RALGAPA1: variants seen among roughly 807,000 people sequenced by gnomAD.
The protein encoded by RALGAPA1 is Ral GTPase activating protein catalytic subunit alpha 1, also known as ral GTPase-activating protein subunit alpha-1.
In RALGAPA1, 52 loss-of-function variants were observed where a neutral mutation model predicts 269.6. That is an observed-to-expected ratio of 0.19 (90% CI 0.15 to 0.24). The LOEUF is 0.24. Ranked by LOEUF, RALGAPA1 falls within the 10% of genes least tolerant of loss-of-function variation. The pLI is 1.00. For synonymous variants in RALGAPA1, 817 were observed against 1,008.3 expected (o/e 0.81, Z 3.60); for missense variants, 1,917 against 3,013.9 (o/e 0.64, Z 8.52).
At chr14:35,636,572 G>A (rs753167043) in intron 31 of RALGAPA1, among the ~76,000 whole-genome samples, 1 of 152,114 alleles carries the variant, frequency 6.6e-6, no homozygotes, top group Non-Finnish European at 1.5e-5. Context: ...CCAGGCTGGA[G>A]TGCAGTGGCA....
intron 30 of RALGAPA1, among the ~76,000 whole-genome samples, chr14:35,652,561 C>A (rs191907923): frequency 9.2e-5 from 14 of 152,056 alleles, no homozygotes; most frequent in Non-Finnish European, 1.5e-4. Flanking sequence ...TGGGCCACCA[C>A]GCCCAGCTAA....
In RALGAPA1 at chr14:35,678,097, C is replaced by T. The variant is rs1045891757; in HGVS notation, c.4477G>A (p.Glu1493Lys). ...SAEVATITGS[E>K]SASPVHSPLG... is the part of the protein sequence containing the mutation. ...GGTGAGTGGACTGGGGAAGCACTTT[C>T]TGAACCTGTAAATATAATTTCATAA... is the stretch of plus-strand genomic sequence containing the variant. Residue 1493 changes from glutamate to lysine, a missense_variant, in exon 22 of 42, where the codon GAA becomes AAA. By Grantham distance (56) the Glu-to-Lys change is moderately conservative. Transcript: ENST00000680220. 4 of 1,600,876 alleles carry T rather than the reference C, an allele frequency of 2.5e-6. No individual in the cohort carries two copies. In the African/African-American group the frequency reaches 5.4e-5, roughly 22 times the overall value.
chr14:35,799,175 G>GT (rs1263149179), intron 1 of RALGAPA1, among the ~76,000 whole-genome samples: 1 of 152,156 alleles, frequency 6.6e-6, no homozygotes, highest in Non-Finnish European at 1.5e-5. Flanking sequence ...TAAAGGTTGG[G>GT]TGAAGAAATG....
intron 31 of RALGAPA1, among the ~76,000 whole-genome samples, chr14:35,640,506 C>A (rs1193360999): frequency 2.0e-5 from 3 of 152,048 alleles, no homozygotes; most frequent in South Asian, 4.1e-4. Context: ...CGGATAAACT[C>A]CTAGACACAT....
At chr14:35,600,947 T>G (rs2059251999) in intron 36 of RALGAPA1, among the ~76,000 whole-genome samples, 1 of 152,208 alleles carries the variant, frequency 6.6e-6, no homozygotes, top group African/African-American at 2.4e-5. Context: ...GCTGGTTGTT[T>G]GAAGACTCTG....
Position 35,688,730 on chromosome 14 carries a change from T to C in RALGAPA1, c.3681A>G (p.Thr1227=). ...TGGGAATCTCTGTGGATTCCTTCAC[T>C]GTTTTGCTGCTTACTGATGCAGTAC... ...TLGTASVSSK[T]VKESTEIPTT... Residue 1227 remains threonine (T), a synonymous_variant, in exon 18 of 42, where the codon ACA becomes ACG. Transcript: ENST00000680220. 6.8e-7 allele frequency: 1 copy of C among 1,467,506 alleles called. No homozygotes were observed. The allele number at this position is 1,467,506 out of a possible 1,614,324, so 90.9% of individuals were successfully genotyped here.
chr14:35,774,036 C>A (rs2074838630), intron 3 of RALGAPA1, among the ~76,000 whole-genome samples: 1 of 152,146 alleles, frequency 6.6e-6, no homozygotes, highest in Admixed American at 6.5e-5. Flanking sequence ...ACCTCAGCCT[C>A]CTGAGTCACT....
chr14:35,709,255 T>C (rs980839020), intron 16 of RALGAPA1, among the ~76,000 whole-genome samples: 3 of 152,158 alleles, frequency 2.0e-5, no homozygotes, highest in Non-Finnish European at 4.4e-5. Flanking sequence ...AAAGAATAAA[T>C]GTTTGAGGTA....
chr14:35,744,654 T>C (rs1458495967), intron 10 of RALGAPA1, among the ~76,000 whole-genome samples: 1 of 152,202 alleles, frequency 6.6e-6, no homozygotes, highest in Non-Finnish European at 1.5e-5. Context: ...TTGCTATTAT[T>C]AATTCCTTAG....
intron 5 of RALGAPA1, among the ~76,000 whole-genome samples, chr14:35,762,041 G>A (rs1164076713): frequency 6.6e-6 from 1 of 152,168 alleles, no homozygotes; most frequent in Non-Finnish European, 1.5e-5. Flanking sequence ...ATATATATGT[G>A]TATCTCCCCT....
chr14:35,789,785 A>G (rs780965552), intron 1 of RALGAPA1, among the ~76,000 whole-genome samples: 5 of 152,170 alleles, frequency 3.3e-5, no homozygotes, highest in Non-Finnish European at 7.3e-5. Context: ...AAATATCAAC[A>G]TTAAAGGTAG....
chr14:35,554,370 G>C (rs1458106405), intron 39 of RALGAPA1, among the ~76,000 whole-genome samples: 3 of 112,884 alleles, frequency 2.7e-5, no homozygotes, highest in Non-Finnish European at 5.2e-5. Flanking sequence ...TTTTTGAGAC[G>C]GAGTCTCACT....
intron 5 of RALGAPA1, among the ~76,000 whole-genome samples, 188 bp from the exon 6 acceptor site, chr14:35,761,194 T>C (rs114127806): frequency 0.011 from 1,632 of 152,254 alleles, 32 homozygotes; most frequent in African/African-American, 0.038. Flanking sequence ...TACAAATGCA[T>C]GGATTTTTAA....
chr14:35,795,213 G>A (rs2076475549), intron 1 of RALGAPA1, among the ~76,000 whole-genome samples: 1 of 152,134 alleles, frequency 6.6e-6, no homozygotes, highest in Non-Finnish European at 1.5e-5. Flanking sequence ...AAGTCGTAGT[G>A]AGGAGAAAGC....
At chr14:35,557,098 ATGTGTGTG>A (rs56835063) in intron 39 of RALGAPA1, among the ~76,000 whole-genome samples, 21,225 of 142,408 alleles carry the variant, frequency 0.15, 1,641 homozygotes, top group African/African-American at 0.2. Context: ...TCCAATATGT[ATGTGTGTG>A]TGTGTGTGTG....
chr14:35,651,234 A>G (rs541416094), intron 31 of RALGAPA1, among the ~76,000 whole-genome samples: 7 of 152,252 alleles, frequency 4.6e-5, no homozygotes, highest in Non-Finnish European at 7.4e-5. Flanking sequence ...GAGAAGATGT[A>G]TATAATTGAT....
intron 7 of RALGAPA1, among the ~76,000 whole-genome samples, chr14:35,755,927 G>T (rs150407264): frequency 1.8e-4 from 27 of 152,034 alleles, no homozygotes; most frequent in African/African-American, 6.3e-4. Flanking sequence ...AGTCAATCAG[G>T]GTATGCACAT....
At chr14:35,631,830 T>C (rs895724751) in intron 33 of RALGAPA1, among the ~76,000 whole-genome samples, 4 of 152,172 alleles carry the variant, frequency 2.6e-5, no homozygotes, top group African/African-American at 4.8e-5. Context: ...AAGAGCATTA[T>C]AAGTAACATA....
intron 35 of RALGAPA1, among the ~76,000 whole-genome samples, chr14:35,616,072 CAG>C (rs1253416392): frequency 6.6e-6 from 1 of 151,768 alleles, no homozygotes; most frequent in Non-Finnish European, 1.5e-5. Context: ...CAAGAAGAGA[CAG>C]AGTTGAGAGA....
Sources: allele counts gnomAD v4.1 joint callset (sites outside exome capture counted in the v4.1 genomes callset), GRCh38; gene constraint gnomAD v4.1.1; transcripts MANE v1.5; gene names NCBI Gene and HGNC (gene_info 2026-07-23, HGNC 2026-07-21).